Variants in CCDC39 observed in about 807,000 individuals in gnomAD.
CCDC39 encodes coiled-coil domain 39 molecular ruler complex subunit, also known as coiled-coil domain-containing protein 39.
In CCDC39, 113 loss-of-function variants were observed where a neutral mutation model predicts 121.0. The ratio of observed to expected loss-of-function variants is 0.93; its 90% CI spans 0.80 to 1.09. CCDC39 has a LOEUF of 1.09. CCDC39 is among the 50% of genes least tolerant of loss of function. CCDC39 has a pLI of 0.00. For missense variants in CCDC39, 1,063 were observed against 1,074.7 expected, an observed-to-expected ratio of 0.99 and a Z score of 0.15; for synonymous variants, 349 against 352.2, an observed-to-expected ratio of 0.99 and a Z score of 0.10.
intron 1 of CCDC39, among the ~76,000 whole-genome samples, chr3:180,669,164 C>T (rs1334284584): frequency 6.6e-6 from 1 of 152,078 alleles, no homozygotes; most frequent in African/African-American, 2.4e-5. Context: ...TAAATTCTCA[C>T]ACATGGAAAG....
At chr3:180,638,019 C>A (rs1194325334) in intron 13 of CCDC39, among the ~76,000 whole-genome samples, 1 of 152,048 alleles carries the variant, frequency 6.6e-6, no homozygotes. Flanking sequence ...GTATAACAAA[C>A]CCCCATGACA....
intron 19 of CCDC39, 23 bp downstream of exon 19, chr3:180,616,258 T>A: frequency 6.7e-7 from 1 of 1,494,258 alleles, no homozygotes; most frequent in South Asian, 1.2e-5. Flanking sequence ...GTTAAGCAGA[T>A]TTTTTTTTAA....
At chr3:180,646,824 C>T (rs1191675175) in intron 11 of CCDC39, among the ~76,000 whole-genome samples, 1 of 151,960 alleles carries the variant, frequency 6.6e-6, no homozygotes, top group Admixed American at 6.6e-5. Flanking sequence ...ATAGTATCTT[C>T]CTCACAAGAC....
At chr3:180,637,070 G>T (rs1405269982) in intron 13 of CCDC39, among the ~76,000 whole-genome samples, 1 of 152,034 alleles carries the variant, frequency 6.6e-6, no homozygotes, top group African/African-American at 2.4e-5. Context: ...AAAACAAAAA[G>T]TGATAAATGG....
intron 11 of CCDC39, among the ~76,000 whole-genome samples, chr3:180,645,362 C>T (rs1019585080): frequency 6.6e-6 from 1 of 152,008 alleles, no homozygotes; most frequent in African/African-American, 2.4e-5. Flanking sequence ...CTGTTTAGAT[C>T]CCTCTTCCCA....
At chr3:180,674,702 T>A (rs963054283) in intron 1 of CCDC39, among the ~76,000 whole-genome samples, 1 of 152,214 alleles carries the variant, frequency 6.6e-6, no homozygotes, top group South Asian at 2.1e-4. Context: ...CTGTTGAATT[T>A]TGTTGAAGGC....
intron 9 of CCDC39, 65 bp downstream of exon 9, chr3:180,651,336 A>C (rs1293515417): frequency 9.3e-6 from 12 of 1,296,906 alleles, no homozygotes; most frequent in East Asian, 5.1e-5. Flanking sequence ...TGATCCTAGG[A>C]GTCTAATTAA....
Position 180,638,461 on chromosome 3 carries a change from A to G in CCDC39, c.1874+3532T>C, listed in dbSNP as rs544022106. Reference sequence around the variant, plus strand: ...AATGAAATGAAATCCAAGAAAATAGAATGATGACAAGGGATACATGAAAAA... The same window carrying G: ...AATGAAATGAAATCCAAGAAAATAGGATGATGACAAGGGATACATGAAAAA... On this transcript the variant is annotated intron_variant, in intron 13 of 19. Coordinates refer to ENST00000476379, the MANE Select transcript of CCDC39 (RefSeq NM_181426.2). Among the ~76,000 whole-genome samples, 5 of 152,266 alleles carry G rather than the reference A, an allele frequency of 3.3e-5. No individual in the cohort carries two copies. In the East Asian group the frequency reaches 9.6e-4, roughly 29 times the overall value.
chr3:180,618,124 G>T (rs1305390556), intron 16 of CCDC39, among the ~76,000 whole-genome samples: 2 of 152,108 alleles, frequency 1.3e-5, no homozygotes, highest in Non-Finnish European at 2.9e-5. Flanking sequence ...AGGAACAATA[G>T]GCTATACCAT....
intron 14 of CCDC39, among the ~76,000 whole-genome samples, chr3:180,629,522 A>C (rs1717645000): frequency 6.6e-6 from 1 of 152,134 alleles, no homozygotes; most frequent in Admixed American, 6.5e-5. Flanking sequence ...AAATGCCAAC[A>C]CCTTGGTATC....
rs373567562 is a variant in CCDC39, at chr3:180,619,868, C to T, written c.2101G>A (p.Val701Met). Residue 701 changes from valine to methionine, a missense_variant, in exon 15 of 20, where the codon GTG (valine) becomes ATG (methionine). Coordinates refer to ENST00000476379, the MANE Select transcript of CCDC39 (RefSeq NM_181426.2). ...TAATTGTTGTTACAGCTGTTCAGCA[C>T]TTGAAGGGTATTTTCTAGAGCGTAG... ...EIYALENTLQ[V>M]LNSCNNNYKQ... is the part of the protein sequence containing the mutation. 41 of 1,609,804 alleles carry T rather than the reference C, an allele frequency of 2.5e-5. No individual in the cohort carries two copies. Among genetic ancestry groups the T allele is most frequent in the Admixed American group, 3.4e-5 (2 of 59,428 alleles).
chr3:180,678,606 A>T (rs1485705682), intron 1 of CCDC39, among the ~76,000 whole-genome samples: 1 of 151,384 alleles, frequency 6.6e-6, no homozygotes, highest in Non-Finnish European at 1.5e-5. Context: ...CCTCCGCCTC[A>T]GCCTCCCAAA....
intron 1 of CCDC39, among the ~76,000 whole-genome samples, chr3:180,664,407 T>C (rs747836319): frequency 9.9e-5 from 15 of 152,218 alleles, no homozygotes; most frequent in African/African-American, 2.4e-4. Context: ...ACATTGAGGA[T>C]TGAGACCACC....
At chr3:180,623,436 C>G (rs145401641) in intron 14 of CCDC39, among the ~76,000 whole-genome samples, 1 of 151,758 alleles carries the variant, frequency 6.6e-6, no homozygotes, top group African/African-American at 2.4e-5. Context: ...ATTTTTTTGT[C>G]TCTATTTCAT....
chr3:180,634,007 G>C (rs984071979), intron 13 of CCDC39, among the ~76,000 whole-genome samples: 9 of 152,026 alleles, frequency 5.9e-5, no homozygotes, highest in African/African-American at 2.2e-4. Context: ...TTGATTTGGG[G>C]AAAAAACAGC....
rs761112741 is a variant in CCDC39 at position 180,654,897 on chromosome 3, C to A, written c.795G>T (p.Lys265Asn). Residue 265 changes from lysine to asparagine, a missense_variant, in exon 7 of 20, where the codon AAG (lysine) becomes AAT (asparagine). Physicochemically the swap from Lys to Asn is moderately conservative, Grantham distance 94 (BLOSUM62 0). Coordinates refer to ENST00000476379, the MANE Select transcript of CCDC39 (RefSeq NM_181426.2). ...TREKENLVKE[K>N]IKFLESEIGN... is the part of the protein sequence containing the mutation. ...CAATCTCACTTTCCAAAAACTTGATCTTTTCTTTAACCAAATTTTCTTTTT... is the reference window on the plus strand; with the variant it reads ...CAATCTCACTTTCCAAAAACTTGATATTTTCTTTAACCAAATTTTCTTTTT... 6.6e-5 allele frequency: 105 copies of A among 1,590,450 alleles called. No homozygotes were observed. The highest frequency in any genetic ancestry group is 8.5e-5 in the Non-Finnish European group (100 of 1,171,536).
intron 13 of CCDC39, among the ~76,000 whole-genome samples, chr3:180,637,098 A>G (rs1156299951): frequency 6.6e-6 from 1 of 152,204 alleles, no homozygotes; most frequent in African/African-American, 2.4e-5. Flanking sequence ...TTAAAACTGA[A>G]GAGCTTCTGC....
intron 14 of CCDC39, among the ~76,000 whole-genome samples, chr3:180,626,122 A>G (rs568194363): frequency 7.2e-5 from 11 of 152,192 alleles, no homozygotes; most frequent in South Asian, 4.2e-4. Context: ...GGTAGCTGCA[A>G]TGGGTTGGAC....
chr3:180,627,091 G>A (rs771965815), intron 14 of CCDC39, among the ~76,000 whole-genome samples: 4 of 152,292 alleles, frequency 2.6e-5, no homozygotes, highest in Non-Finnish European at 2.9e-5. Flanking sequence ...GGAAGCTGTG[G>A]GGAGTACAGT....
Sources: allele counts gnomAD v4.1 joint callset (sites outside exome capture counted in the v4.1 genomes callset), GRCh38; gene constraint gnomAD v4.1.1; transcripts MANE v1.5; gene names NCBI Gene and HGNC (gene_info 2026-07-23, HGNC 2026-07-21).